The following SH3RF3 variants were observed in gnomAD, a reference collection of about 807,000 sequenced individuals.
The protein encoded by SH3RF3 is SH3 domain containing ring finger 3.
A neutral mutation model predicts 66.3 loss-of-function variants in SH3RF3; 29 were observed. The observed-to-expected ratio is 0.44, with a 90% CI of 0.33 to 0.60. The LOEUF is 0.60. Among genes scored for constraint, SH3RF3 ranks in the 20% least tolerant of loss-of-function variants. The probability of loss-of-function intolerance (pLI) is 0.04; values close to 1 mark genes in which losing one functional copy is unlikely to be tolerated. For missense variants in SH3RF3, 1,194 were observed against 1,190.9 expected, an observed-to-expected ratio of 1.00 and a Z score of -0.04; for synonymous variants, 583 against 532.0, an observed-to-expected ratio of 1.10 and a Z score of -1.32.
Position 109,399,005 on chromosome 2 carries a change from G to A in SH3RF3, c.1299+62G>A, listed in dbSNP as rs58823117. Reference sequence around the variant, plus strand: ...TCTCTGGGGTTCTATCCTCAGCTCCGTGTTCAGTGTCCCCCGTTCCTCAAC... The same window carrying A: ...TCTCTGGGGTTCTATCCTCAGCTCCATGTTCAGTGTCCCCCGTTCCTCAAC... On this transcript the variant is annotated intron_variant, in intron 4 of 9. Transcript: ENST00000309415. 13,200 of 1,479,496 alleles carry A rather than the reference G, an allele frequency of 8.9e-3. 933 individuals carry two copies. In the African/African-American group the frequency reaches 0.16, roughly 18 times the overall value. The allele number at this position is 1,479,496 out of a possible 1,614,324, so 91.6% of individuals were successfully genotyped here.
At position 109,401,397 on chromosome 2, in the gene SH3RF3, C is replaced by T. The variant is rs11123743; in HGVS notation, c.1299+2454C>T. On this transcript the variant is annotated intron_variant, in intron 4 of 9. Coordinates refer to ENST00000309415, the MANE Select transcript of SH3RF3 (RefSeq NM_001099289.3). ...GGGTAGGTCGTTTGTCTCCTTCCTC[C>T]TAGAAGAGCAAAGGCCACTCTCACT... is the stretch of plus-strand genomic sequence containing the variant. 0.02 allele frequency among the ~76,000 whole-genome samples: 3,006 copies of T among 152,266 alleles called. 267 individuals carry two copies. In the East Asian group the frequency reaches 0.24, roughly 12 times the overall value.
At chr2:109,186,105 A>T (rs1387571316) in intron 1 of SH3RF3, among the ~76,000 whole-genome samples, 3 of 152,230 alleles carry the variant, frequency 2.0e-5, no homozygotes. Context: ...TAACTTCAGG[A>T]GAGGGCAGGC....
intron 8 of SH3RF3, among the ~76,000 whole-genome samples, chr2:109,477,648 G>A (rs1174260596): frequency 6.6e-6 from 1 of 151,606 alleles, no homozygotes; most frequent in Non-Finnish European, 1.5e-5. Context: ...GTGTGTTGGT[G>A]AGGGGTGTCA....
chr2:109,366,788 A>C (rs1044969676), intron 2 of SH3RF3, among the ~76,000 whole-genome samples: 2 of 152,166 alleles, frequency 1.3e-5, no homozygotes, highest in African/African-American at 4.8e-5. Context: ...GGAAAGTCAA[A>C]GCTGCAGTGA....
chr2:109,362,704 C>G (rs981030347), intron 2 of SH3RF3, among the ~76,000 whole-genome samples: 2 of 152,138 alleles, frequency 1.3e-5, no homozygotes, highest in Admixed American at 1.3e-4. Context: ...CTGGATTCAT[C>G]TACTTCTCCT....
intron 1 of SH3RF3, among the ~76,000 whole-genome samples, chr2:109,214,742 T>C (rs1231414162): frequency 6.6e-6 from 1 of 152,220 alleles, no homozygotes; most frequent in East Asian, 1.9e-4. Flanking sequence ...TGGTGACATT[T>C]AGCTGTGTGG....
At chr2:109,362,718 G>C (rs1179361437) in intron 2 of SH3RF3, among the ~76,000 whole-genome samples, 1 of 152,076 alleles carries the variant, frequency 6.6e-6, no homozygotes, top group East Asian at 1.9e-4. Context: ...TTCTCCTTCT[G>C]TCAGTTTTTT....
chr2:109,333,519 T>G (rs1449711892), intron 1 of SH3RF3, among the ~76,000 whole-genome samples: 1 of 152,200 alleles, frequency 6.6e-6, no homozygotes, highest in Non-Finnish European at 1.5e-5. Flanking sequence ...CACCTGTTTG[T>G]GTAAGTAAAG....
At chr2:109,312,307 G>A (rs1225131225) in intron 1 of SH3RF3, among the ~76,000 whole-genome samples, 1 of 152,158 alleles carries the variant, frequency 6.6e-6, no homozygotes, top group Non-Finnish European at 1.5e-5. Context: ...CCCACTCGAG[G>A]TTGGCTTGCT....
chr2:109,289,206 A>G (rs1341941344), intron 1 of SH3RF3, among the ~76,000 whole-genome samples: 1 of 152,194 alleles, frequency 6.6e-6, no homozygotes, highest in Non-Finnish European at 1.5e-5. Flanking sequence ...CTCTGCTGTC[A>G]TATGACTTGG....
intron 7 of SH3RF3, among the ~76,000 whole-genome samples, chr2:109,447,611 C>T (rs766983482): frequency 6.6e-6 from 1 of 152,132 alleles, no homozygotes; most frequent in African/African-American, 2.4e-5. Flanking sequence ...TGATGCTCAG[C>T]CCAGGTCTCC....
intron 1 of SH3RF3, among the ~76,000 whole-genome samples, chr2:109,141,127 A>G (rs1676938238): frequency 6.6e-6 from 1 of 152,158 alleles, no homozygotes; most frequent in African/African-American, 2.4e-5. Flanking sequence ...CCAGGTGGAA[A>G]GATGCAACCA....
intron 8 of SH3RF3, among the ~76,000 whole-genome samples, chr2:109,452,539 A>G (rs1007693158): frequency 2.0e-5 from 3 of 152,144 alleles, no homozygotes; most frequent in Non-Finnish European, 2.9e-5. Context: ...TGCATGTACC[A>G]GAGAGAAGGC....
At chr2:109,187,289 CCTGTTTAGTCTTTT>C (rs1391614559) in intron 1 of SH3RF3, among the ~76,000 whole-genome samples, 2 of 152,046 alleles carry the variant, frequency 1.3e-5, no homozygotes, top group African/African-American at 4.8e-5. Flanking sequence ...TCTGATGTGA[CCTGTTTAGTCTTTT>C]CTGTTTAGTC....
At chr2:109,406,628 A>G (rs775083556) in intron 4 of SH3RF3, among the ~76,000 whole-genome samples, 2 of 152,148 alleles carry the variant, frequency 1.3e-5, no homozygotes, top group Non-Finnish European at 2.9e-5. Context: ...GCCCATTTGT[A>G]TATCATCCGC....
chr2:109,209,130 G>A (rs549464995), intron 1 of SH3RF3, among the ~76,000 whole-genome samples: 1 of 152,314 alleles, frequency 6.6e-6, no homozygotes, highest in South Asian at 2.1e-4. Flanking sequence ...TGTTGCCACT[G>A]GGAAGTGGGT....
chr2:109,474,968 T>TG (rs1270162302), intron 8 of SH3RF3, among the ~76,000 whole-genome samples: 2 of 151,378 alleles, frequency 1.3e-5, no homozygotes, highest in Non-Finnish European at 3.0e-5. Flanking sequence ...GTTTGGGTTT[T>TG]TTTTGTTTGT....
chr2:109,350,047 T>A (rs1340597751), intron 2 of SH3RF3, among the ~76,000 whole-genome samples: 1 of 152,192 alleles, frequency 6.6e-6, no homozygotes, highest in African/African-American at 2.4e-5. Flanking sequence ...ACGAGCTGCA[T>A]CGGATCACCA....
At chr2:109,339,812 G>A (rs1379090878) in intron 1 of SH3RF3, among the ~76,000 whole-genome samples, 4 of 152,204 alleles carry the variant, frequency 2.6e-5, no homozygotes, top group Non-Finnish European at 5.9e-5. Flanking sequence ...TTGGATAAAT[G>A]TAAACAGATC....
Sources: allele counts gnomAD v4.1 joint callset (sites outside exome capture counted in the v4.1 genomes callset), GRCh38; gene constraint gnomAD v4.1.1; transcripts MANE v1.5; gene names NCBI Gene and HGNC (gene_info 2026-07-23, HGNC 2026-07-21).